Variants in SENP7 observed in about 807,000 individuals in gnomAD.
The protein encoded by SENP7 is sentrin-specific protease 7.
In SENP7, 64 loss-of-function variants were observed where a neutral mutation model predicts 141.2. The ratio of observed to expected loss-of-function variants is 0.45; its 90% confidence interval spans 0.37 to 0.56. The LOEUF (loss-of-function observed/expected upper bound fraction) is 0.56, where lower values mean the gene tolerates loss of function less well. Among genes scored for constraint, SENP7 ranks in the 20% least tolerant of loss-of-function variants. The pLI, the probability that SENP7 is intolerant of heterozygous loss-of-function variation, is 0.00. For synonymous variants in SENP7, 382 were observed against 426.4 expected (o/e 0.90, Z 1.28); for missense variants, 1,025 against 1,212.2 (o/e 0.85, Z 2.29).
At chr3:101,427,865 G>T (rs1258031552) in intron 4 of SENP7, among the ~76,000 whole-genome samples, 1 of 151,848 alleles carries the variant, frequency 6.6e-6, no homozygotes, top group East Asian at 1.9e-4. Flanking sequence ...CTCCCCAACA[G>T]GCCCTGGTGT....
intron 4 of SENP7, among the ~76,000 whole-genome samples, chr3:101,425,627 A>T (rs550927760): frequency 2.0e-5 from 3 of 152,300 alleles, no homozygotes; most frequent in Non-Finnish European, 4.4e-5. Flanking sequence ...AAAGAACCGA[A>T]CCATCTCTCC....
rs1267864584 is a variant in SENP7, at chr3:101,417,803, T to C, written c.285-13A>G. On this transcript the variant is annotated splice_polypyrimidine_tract_variant and intron_variant, in intron 4 of 23. Transcript: ENST00000394095. ...AACTTTGAGTTGCCTGTTATACACATAAATAATTAGTATATATGGTACTAC... is the reference window on the plus strand; with the variant it reads ...AACTTTGAGTTGCCTGTTATACACACAAATAATTAGTATATATGGTACTAC... The C allele has an allele frequency of 2.5e-6, 4 of 1,590,434 alleles. No individual in the cohort carries two copies. The highest frequency in any genetic ancestry group is 3.5e-6 in the Non-Finnish European group (4 of 1,158,686).
At chr3:101,359,684 T>C (rs1025392723) in intron 11 of SENP7, among the ~76,000 whole-genome samples, 1 of 151,852 alleles carries the variant, frequency 6.6e-6, no homozygotes, top group Non-Finnish European at 1.5e-5. Context: ...TTAATGAAAT[T>C]ATGGTAAGTT....
Position 101,463,400 on chromosome 3 carries a change from T to TATATATATATATATATATACACAC in SENP7, c.187-4349_187-4348insGTGTGTATATATATATATATATAT, listed in dbSNP as rs769567759. 3.8e-5 allele frequency among the ~76,000 whole-genome samples: 3 copies of TATATATATATATATATATACACAC among 77,994 alleles called. No homozygotes were observed. In the South Asian group the frequency reaches 1.3e-3, roughly 34 times the overall value. 51.2% of individuals were successfully genotyped at this position (77,994 alleles called of 152,430 possible). A position where few individuals can be genotyped will look rare whatever the true frequency, so the allele number is the denominator to read the frequency against. ...ATATATATATATATATATATATACA[T>TATATATATATATATATATACACAC]ATATATATATATATATACACACACA... On this transcript the variant is annotated intron_variant, in intron 3 of 23. Coordinates refer to ENST00000394095, the MANE Select transcript of SENP7 (RefSeq NM_020654.5).
At position 101,416,640 on chromosome 3, in the gene SENP7, G is replaced by A. The variant is rs1204931433; in HGVS notation, c.482+953C>T. On this transcript the variant is annotated intron_variant, in intron 5 of 23. Coordinates refer to ENST00000394095, the MANE Select transcript of SENP7 (RefSeq NM_020654.5). ...TTAAATTTATATCAGGTATGAGCTAGTAAGAAATTTCTTCGTTAAACTTGG... is the reference window on the plus strand; with the variant it reads ...TTAAATTTATATCAGGTATGAGCTAATAAGAAATTTCTTCGTTAAACTTGG... Among the ~76,000 whole-genome samples the A allele has an allele frequency of 2.0e-5, 3 of 152,158 alleles. No individual in the cohort carries two copies. In the South Asian group the frequency reaches 6.2e-4, roughly 32 times the overall value.
Position 101,372,052 on chromosome 3 carries a change from T to G in SENP7, c.752A>C (p.Lys251Thr), listed in dbSNP as rs1481859998. 3.8e-6 allele frequency: 6 copies of G among 1,567,564 alleles called. No individual in the cohort carries two copies. Among genetic ancestry groups the G allele is most frequent in the Non-Finnish European group, 5.2e-6 (6 of 1,149,678 alleles). ...TATTAAAAGAGAAATGCCATCATCCTTTCTTCGTTTTTCTTTATTGTGCGC... is the reference window on the plus strand; with the variant it reads ...TATTAAAAGAGAAATGCCATCATCCGTTCTTCGTTTTTCTTTATTGTGCGC... ...QTAHNKEKRRKDDGISLLISD... is the reference protein window; with the variant it reads ...QTAHNKEKRRTDDGISLLISD... Residue 251 changes from lysine to threonine, a missense_variant, in exon 7 of 24, where the codon AAG becomes ACG. Physicochemically the swap from Lys to Thr is moderately conservative, Grantham distance 78. This residue lies in a region of SENP7 where 496 missense variants were observed against 503.5 expected (regional missense o/e 0.99). Coordinates refer to ENST00000394095, the MANE Select transcript of SENP7 (RefSeq NM_020654.5).
intron 5 of SENP7, among the ~76,000 whole-genome samples, chr3:101,412,668 T>C (rs796076709): frequency 2.6e-5 from 4 of 152,230 alleles, no homozygotes; most frequent in African/African-American, 9.6e-5. Flanking sequence ...CATATTTCTC[T>C]AACGATCTCT....
Position 101,366,587 on chromosome 3 carries a change from G to T in SENP7, c.1161C>A (p.Ala387=). 6.2e-7 allele frequency: 1 copy of T among 1,613,872 alleles called. No homozygotes were observed. The highest frequency in any genetic ancestry group is 1.3e-5 in the African/African-American group (1 of 75,006). The part of the protein sequence containing the change: ...TLSNATKSAS[A]GSTTETVENS... ...TCTCAACGGTTTCAGTGGTTGAACC[G>T]GCAGAGGCACTTTTGGTGGCATTAC... The change falls in exon 9 of 24, where the codon GCC becomes GCA. Residue 387 remains alanine, a synonymous_variant. Coordinates refer to ENST00000394095, the MANE Select transcript of SENP7 (RefSeq NM_020654.5).
Position 101,332,861 on chromosome 3 carries a change from T to C in SENP7, c.2482A>G (p.Met828Val). 1 of 1,576,896 alleles carries C rather than the reference T, an allele frequency of 6.3e-7. No homozygotes were observed. Among genetic ancestry groups the C allele is most frequent in the Non-Finnish European group, 8.6e-7 (1 of 1,167,006 alleles). ...ACTCTTTTATGTCTTCTCTGTGCCA[T>C]TCTGAGAGTATGAAAGACAGATTTG... is the stretch of plus-strand genomic sequence containing the variant. ...NLTEDNPNLSMAQRRHKRVRT... is the reference protein window; with the variant it reads ...NLTEDNPNLSVAQRRHKRVRT... The change falls in exon 18 of 24, where the codon ATG becomes GTG. Residue 828 changes from methionine (M) to valine (V), a missense_variant and splice_region_variant. Met to Val is a conservative substitution (Grantham distance 21, BLOSUM62 1). Coordinates refer to ENST00000394095, the MANE Select transcript of SENP7 (RefSeq NM_020654.5).
intron 6 of SENP7, among the ~76,000 whole-genome samples, chr3:101,380,467 A>G (rs1376838984): frequency 6.6e-6 from 1 of 150,400 alleles, no homozygotes; most frequent in East Asian, 2.0e-4. Flanking sequence ...ACAAAACAAA[A>G]CATAACTAAT....
intron 1 of SENP7, among the ~76,000 whole-genome samples, chr3:101,503,417 A>G (rs2065469618): frequency 6.6e-6 from 1 of 152,230 alleles, no homozygotes; most frequent in Non-Finnish European, 1.5e-5. Flanking sequence ...ATATTCAGGT[A>G]TTTTTGTTCT....
intron 4 of SENP7, among the ~76,000 whole-genome samples, chr3:101,436,258 T>C (rs1238427590): frequency 1.3e-5 from 2 of 152,238 alleles, no homozygotes; most frequent in South Asian, 2.1e-4. Context: ...TCTCATCATA[T>C]ACATAAATCA....
intron 5 of SENP7, 27 bp from the exon 6 acceptor site, chr3:101,399,082 A>T: frequency 6.0e-6 from 9 of 1,493,266 alleles, no homozygotes; most frequent in Non-Finnish European, 8.2e-6. Context: ...CAAACACTGT[A>T]CTGTACTGAA....
intron 11 of SENP7, among the ~76,000 whole-genome samples, chr3:101,353,673 T>G (rs2059667185): frequency 6.6e-6 from 1 of 152,050 alleles, no homozygotes; most frequent in South Asian, 2.1e-4. Context: ...ATTACTTAAT[T>G]TCTCGTACTA....
intron 3 of SENP7, among the ~76,000 whole-genome samples, chr3:101,459,362 T>C (rs1198440999): frequency 1.3e-5 from 2 of 152,136 alleles, no homozygotes; most frequent in South Asian, 2.1e-4. Flanking sequence ...AATTATTACA[T>C]AGAAGGTTAA....
chr3:101,465,121 A>C (rs2063717250), intron 3 of SENP7, among the ~76,000 whole-genome samples: 1 of 151,818 alleles, frequency 6.6e-6, no homozygotes, highest in Non-Finnish European at 1.5e-5. Flanking sequence ...TACTGCTACC[A>C]AGACCCACAC....
chr3:101,367,004 C>G (rs1291072743), intron 8 of SENP7, among the ~76,000 whole-genome samples: 5 of 152,098 alleles, frequency 3.3e-5, no homozygotes, highest in Non-Finnish European at 7.4e-5. Flanking sequence ...TGGGAGATTT[C>G]CATCATTACA....
intron 15 of SENP7, 97 bp from the exon 16 acceptor site, chr3:101,340,308 G>A: frequency 7.2e-7 from 1 of 1,392,806 alleles, no homozygotes; most frequent in Non-Finnish European, 9.6e-7. Context: ...GTGGTATTCT[G>A]TAACTCAAAT....
chr3:101,498,473 A>C (rs1312225041), intron 2 of SENP7, among the ~76,000 whole-genome samples: 1 of 152,182 alleles, frequency 6.6e-6, no homozygotes, highest in Admixed American at 6.5e-5. Context: ...TAATCTTGAG[A>C]AACCTGAAAC....
Sources: gnomAD v4.1 joint callset for allele counts (sites outside exome capture counted in the v4.1 genomes callset) on GRCh38, gnomAD v4.1.1 for gene constraint, gnomAD v4.1.1 regional missense constraint, MANE v1.5 for transcripts, NCBI Gene and HGNC (gene_info 2026-07-23, HGNC 2026-07-21) for gene names.